Variants in TSHZ2 observed in about 807,000 individuals in gnomAD.
TSHZ2 encodes teashirt zinc finger homeobox 2, also known as teashirt homolog 2.
In TSHZ2, 21 loss-of-function variants were observed where a neutral mutation model predicts 74.4. The observed-to-expected ratio is 0.28, with a 90% CI of 0.20 to 0.41. The LOEUF (loss-of-function observed/expected upper bound fraction) is 0.41, where lower values mean the gene tolerates loss of function less well. TSHZ2 is among the 10% of genes least tolerant of loss of function. The pLI, the probability that TSHZ2 is intolerant of heterozygous loss-of-function variation, is 1.00. For synonymous variants in TSHZ2, 540 were observed against 515.3 expected (o/e 1.05, Z -0.65); for missense variants, 1,244 against 1,293.5 (o/e 0.96, Z 0.59).
In TSHZ2 at chr20:53,432,244, A is replaced by T. The variant is rs550802191; in HGVS notation, c.*9-54900A>T. 4.3e-4 allele frequency among the ~76,000 whole-genome samples: 65 copies of T among 152,156 alleles called. 1 individual carries two copies. In the South Asian group the frequency reaches 0.013, roughly 30 times the overall value. On this transcript the variant is annotated intron_variant, in intron 2 of 2. Coordinates refer to ENST00000371497, the MANE Select transcript of TSHZ2 (RefSeq NM_173485.6). Reference sequence around the variant, plus strand: ...ATGGCATTTGGTTTTTCCATTCCTGAGTTACTTTACTTAGAATAATGGCCT... The same window carrying T: ...ATGGCATTTGGTTTTTCCATTCCTGTGTTACTTTACTTAGAATAATGGCCT...
At chr20:53,182,760 C>T (rs1359973891) in intron 1 of TSHZ2, among the ~76,000 whole-genome samples, 1 of 152,136 alleles carries the variant, frequency 6.6e-6, no homozygotes, top group Non-Finnish European at 1.5e-5. Flanking sequence ...ATGAGTGTCT[C>T]TCATCTTTTC....
intron 2 of TSHZ2, among the ~76,000 whole-genome samples, chr20:53,393,415 T>G (rs1163354072): frequency 6.6e-6 from 1 of 152,242 alleles, no homozygotes; most frequent in Admixed American, 6.5e-5. Flanking sequence ...CAAGGTGACT[T>G]AAGCTGTCTG....
chr20:53,080,625 T>C (rs1985502302), intron 1 of TSHZ2, among the ~76,000 whole-genome samples: 1 of 152,172 alleles, frequency 6.6e-6, no homozygotes, highest in African/African-American at 2.4e-5. Context: ...ATCCCTCGCA[T>C]ACACAGTTCA....
chr20:53,390,177 G>A (rs573639468), intron 2 of TSHZ2, among the ~76,000 whole-genome samples: 12 of 152,242 alleles, frequency 7.9e-5, no homozygotes, highest in African/African-American at 2.2e-4. Flanking sequence ...ATGATTTTCC[G>A]GGAGAGTAAA....
At chr20:53,291,753 G>A (rs1008968486) in intron 2 of TSHZ2, among the ~76,000 whole-genome samples, 7 of 152,104 alleles carry the variant, frequency 4.6e-5, no homozygotes, top group Non-Finnish European at 1.0e-4. Context: ...CAGGGCAGAT[G>A]GCTTTCACCC....
intron 2 of TSHZ2, among the ~76,000 whole-genome samples, chr20:53,478,350 A>G (rs937148921): frequency 1.3e-5 from 2 of 151,966 alleles, no homozygotes; most frequent in Non-Finnish European, 2.9e-5. Flanking sequence ...GGATGAGTTC[A>G]TGTCCTTTGT....
At chr20:53,479,765 C>T (rs1986094695) in intron 2 of TSHZ2, among the ~76,000 whole-genome samples, 1 of 152,200 alleles carries the variant, frequency 6.6e-6, no homozygotes, top group Admixed American at 6.5e-5. Context: ...GACACAACTT[C>T]AGTTGTCACA....
intron 1 of TSHZ2, among the ~76,000 whole-genome samples, chr20:53,054,109 C>T (rs999396781): frequency 6.6e-6 from 1 of 152,200 alleles, no homozygotes. Context: ...CGATGTACCA[C>T]AAGGTGGCCC....
chr20:53,359,990 GATT>G (rs1980991518), intron 2 of TSHZ2, among the ~76,000 whole-genome samples: 1 of 152,194 alleles, frequency 6.6e-6, no homozygotes, highest in African/African-American at 2.4e-5. Flanking sequence ...CTAATTGAAA[GATT>G]ATCAACTTGG....
chr20:53,031,439 A>G (rs1345400216), intron 1 of TSHZ2, among the ~76,000 whole-genome samples: 3 of 152,250 alleles, frequency 2.0e-5, no homozygotes, highest in Non-Finnish European at 2.9e-5. Context: ...AGTCACCAAA[A>G]GAAGACAAGT....
chr20:53,357,178 A>G (rs973398156), intron 2 of TSHZ2, among the ~76,000 whole-genome samples: 1 of 152,238 alleles, frequency 6.6e-6, no homozygotes, highest in African/African-American at 2.4e-5. Context: ...GGGTTATAGG[A>G]GAACTTTTAA....
At chr20:52,973,626 G>C (rs1981215769) in intron 1 of TSHZ2, among the ~76,000 whole-genome samples, 1 of 152,022 alleles carries the variant, frequency 6.6e-6, no homozygotes. Flanking sequence ...CTTGCCTCTC[G>C]GGCCAAAGTC....
rs1022870710 is a variant in TSHZ2 at position 53,469,064 on chromosome 20, T to TATATACAC, written c.*9-18075_*9-18074insCACATATA. The stretch of plus-strand genomic sequence containing the variant: ...GATATTTTATATATATATATATATA[T>TATATACAC]ATATATATATATATATATATGTACA... On this transcript the variant is annotated intron_variant, in intron 2 of 2. Transcript: ENST00000371497. Among the ~76,000 whole-genome samples, 13 of 123,452 alleles carry TATATACAC rather than the reference T, an allele frequency of 1.1e-4. 1 individual carries two copies. The highest frequency in any genetic ancestry group is 3.8e-4 in the African/African-American group (12 of 31,624). The allele number at this position is 123,452 out of a possible 152,430, so 81.0% of individuals were successfully genotyped here.
intron 1 of TSHZ2, among the ~76,000 whole-genome samples, chr20:53,182,299 C>T (rs180834606): frequency 6.6e-6 from 1 of 152,084 alleles, no homozygotes; most frequent in East Asian, 1.9e-4. Context: ...TGCCTCCCTC[C>T]CTCTCTCCCT....
At chr20:53,219,707 C>T (rs1319822349) in intron 1 of TSHZ2, among the ~76,000 whole-genome samples, 1 of 152,136 alleles carries the variant, frequency 6.6e-6, no homozygotes, top group Non-Finnish European at 1.5e-5. Context: ...CTATACTCAG[C>T]CACAGCCAAT....
At chr20:53,156,484 TCACTTAAACCTCATAATGA>T (rs1987798134) in intron 1 of TSHZ2, among the ~76,000 whole-genome samples, 1 of 152,152 alleles carries the variant, frequency 6.6e-6, no homozygotes, top group Non-Finnish European at 1.5e-5. Flanking sequence ...ATGCACCATC[TCACTTAAACCTCATAATGA>T]CCTTGTGAAA....
At chr20:53,249,242 C>T (rs957521077) in intron 1 of TSHZ2, among the ~76,000 whole-genome samples, 8 of 152,152 alleles carry the variant, frequency 5.3e-5, no homozygotes, top group Admixed American at 6.5e-5. Flanking sequence ...ACCAGAAGTA[C>T]CAATTTCACT....
At chr20:53,218,285 C>G (rs1382093121) in intron 1 of TSHZ2, among the ~76,000 whole-genome samples, 1 of 152,186 alleles carries the variant, frequency 6.6e-6, no homozygotes, top group African/African-American at 2.4e-5. Flanking sequence ...TCTCAGCTGG[C>G]ACCTATTATA....
chr20:53,068,898 G>A (rs1274144458), intron 1 of TSHZ2, among the ~76,000 whole-genome samples: 4 of 151,000 alleles, frequency 2.6e-5, no homozygotes, highest in African/African-American at 9.7e-5. Context: ...AAAGAACTGA[G>A]GCAATGACTG....
Sources: gnomAD v4.1 joint callset for allele counts (sites outside exome capture counted in the v4.1 genomes callset) on GRCh38, gnomAD v4.1.1 for gene constraint, MANE v1.5 for transcripts, NCBI Gene and HGNC (gene_info 2026-07-23, HGNC 2026-07-21) for gene names.